Variants in LDHA observed in about 807,000 individuals in gnomAD.
The protein encoded by LDHA is L-lactate dehydrogenase A chain.
In LDHA, 10 loss-of-function variants were observed where a neutral mutation model predicts 36.3. The ratio of observed to expected loss-of-function variants is 0.28; its 90% CI spans 0.17 to 0.47. LDHA has a LOEUF of 0.47. Among genes scored for constraint, LDHA ranks in the 20% least tolerant of loss-of-function variants. The pLI, the probability that LDHA is intolerant of heterozygous loss-of-function variation, is 0.99. For synonymous variants in LDHA, 110 were observed against 136.7 expected (o/e 0.80, Z 1.36); for missense variants, 267 against 405.8 (o/e 0.66, Z 2.94).
chr11:18,400,467 A>G (rs1866446284), intron 3 of LDHA: 1 of 169,510 alleles, frequency 5.9e-6, no homozygotes. Flanking sequence ...ACACACACAC[A>G]CACACACACA....
At chr11:18,400,496 C>G in intron 3 of LDHA, 1 of 366,176 alleles carries the variant, frequency 2.7e-6, no homozygotes, top group Non-Finnish European at 5.3e-6. Context: ...ATTGCCTGTT[C>G]CTGGGCTGAT....
intron 1 of LDHA, 23 bp from the exon 2 acceptor site, chr11:18,396,796 A>C (rs1358213224): frequency 6.3e-7 from 1 of 1,577,366 alleles, no homozygotes; most frequent in Non-Finnish European, 8.6e-7. Flanking sequence ...CTGTAGTGAC[A>C]CTAAATGTTT....
At chr11:18,394,738 C>A (rs1866230715) in intron 1 of LDHA, 102 bp downstream of exon 1, 1 of 444,866 alleles carries the variant, frequency 2.2e-6, no homozygotes, top group African/African-American at 2.0e-5. Flanking sequence ...GATTCCTGCT[C>A]CCGGGAGGTG....
chr11:18,399,437 G>A lies in LDHA; in HGVS notation c.133G>A (p.Ala45Thr). The change falls in exon 3 of 8, where the codon GCA becomes ACA. Residue 45 changes from alanine to threonine, a missense_variant. Ala to Thr is a moderately conservative substitution (Grantham distance 58). Transcript: ENST00000422447. ...AAGATTTGATGTCTTTTAGGACTTG[G>A]CAGATGAACTTGCTCTTGTTGATGT... The part of the protein sequence containing the change: ...CAISILMKDL[A>T]DELALVDVIE... 1 of 1,607,516 alleles carries A rather than the reference G, an allele frequency of 6.2e-7. No individual in the cohort carries two copies. Among genetic ancestry groups the A allele is most frequent in the South Asian group, 1.1e-5 (1 of 90,930 alleles).
Position 18,407,634 on chromosome 11 carries a change from A to G in LDHA, c.*353A>G. On this transcript the variant is annotated 3_prime_UTR_variant, in exon 8 of 8. Transcript: ENST00000422447. ...CCTGGCTCCTTCACTGAACATGCCT[A>G]GTCCAACATTTTTTCCCAGTGAGTC... 1 of 611,326 alleles carries G rather than the reference A, an allele frequency of 1.6e-6. No homozygotes were observed. The highest frequency in any genetic ancestry group is 3.4e-5 in the East Asian group (1 of 29,064). The allele number at this position is 611,326 out of a possible 1,614,324, so 37.9% of individuals were successfully genotyped here. A position where few individuals can be genotyped will look rare whatever the true frequency, so the allele number is the denominator to read the frequency against.
rs1229143919 is a variant in LDHA, at chr11:18,408,135, T to C, written c.*854T>C. On this transcript the variant is annotated 3_prime_UTR_variant, in exon 8 of 8. Transcript: ENST00000422447. ...TTTGCCAACTGAATATAGGCAATGA[T>C]AGTGTGTCACTATAGGGAACACAGA... is the stretch of plus-strand genomic sequence containing the variant. 1 of 454,016 alleles carries C rather than the reference T, an allele frequency of 2.2e-6. No homozygotes were observed. The highest frequency in any genetic ancestry group is 2.0e-5 in the African/African-American group (1 of 50,010). The allele number at this position is 454,016 out of a possible 1,614,324, so 28.1% of individuals were successfully genotyped here.
intron 4 of LDHA, chr11:18,402,409 T>C (rs1866540380): frequency 5.3e-6 from 1 of 188,370 alleles, no homozygotes; most frequent in African/African-American, 2.4e-5. Flanking sequence ...TCCTTCTTCC[T>C]CAGCCTCTTA....
intron 7 of LDHA, 89 bp downstream of exon 7, chr11:18,405,661 C>T: frequency 2.2e-6 from 3 of 1,362,830 alleles, no homozygotes; most frequent in Non-Finnish European, 3.1e-6. Flanking sequence ...TACAAGTCTT[C>T]CATTACTGAC....
chr11:18,404,787 G>A (rs1372131387), intron 6 of LDHA, among the ~76,000 whole-genome samples: 60 of 134,542 alleles, frequency 4.5e-4, no homozygotes, highest in South Asian at 7.4e-4. Flanking sequence ...CAGCCTGGGC[G>A]ACAGAGCGAG....
At chr11:18,405,134 A>AT (rs556356941) in intron 6 of LDHA, among the ~76,000 whole-genome samples, 6 of 151,878 alleles carry the variant, frequency 4.0e-5, no homozygotes, top group South Asian at 4.1e-4. Flanking sequence ...GAATTATCCA[A>AT]TTTTTTTTAC....
intron 2 of LDHA, chr11:18,398,939 C>T (rs1022885040): frequency 5.2e-6 from 1 of 191,326 alleles, no homozygotes; most frequent in African/African-American, 2.4e-5. Context: ...GAACTCCTGA[C>T]CTCAAGTGAT....
At chr11:18,395,903 G>GC (rs1266313245) in intron 1 of LDHA, among the ~76,000 whole-genome samples, 1 of 152,244 alleles carries the variant, frequency 6.6e-6, no homozygotes, top group Non-Finnish European at 1.5e-5. Context: ...CACGGCCGAA[G>GC]CCACACCGTG....
intron 6 of LDHA, among the ~76,000 whole-genome samples, chr11:18,405,116 A>G (rs1391223929): frequency 6.6e-6 from 1 of 152,130 alleles, no homozygotes; most frequent in African/African-American, 2.4e-5. Flanking sequence ...TCAATATTAT[A>G]TTTTTAAGAA....
chr11:18,397,675 G>T (rs1200032643), intron 2 of LDHA, among the ~76,000 whole-genome samples: 2 of 152,062 alleles, frequency 1.3e-5, no homozygotes, highest in Non-Finnish European at 2.9e-5. Flanking sequence ...GCCGGGCGTG[G>T]TGGCATACGC....
At position 18,398,893 on chromosome 11, in the gene LDHA, C is replaced by CCACCACTCCCGGCTGGT. The variant is rs1565035377; in HGVS notation, c.127-538_127-537insCACCACTCCCGGCTGGT. ...CCTCCCAAAGTGCTGGGATTACAAGCGTGAGCCACCGTGCCTGGCCTGGCC... is the reference window on the plus strand; with the variant it reads ...CCTCCCAAAGTGCTGGGATTACAAGCCACCACTCCCGGCTGGTGTGAGCCACCGTGCCTGGCCTGGCC... On this transcript the variant is annotated intron_variant, in intron 2 of 7. Coordinates refer to ENST00000422447, the MANE Select transcript of LDHA (RefSeq NM_005566.4). The CCACCACTCCCGGCTGGT allele has an allele frequency of 1.8e-5, 3 of 166,758 alleles. No individual in the cohort carries two copies. In the East Asian group the frequency reaches 4.8e-4, roughly 27 times the overall value. The allele number at this position is 166,758 out of a possible 1,614,324, so 10.3% of individuals were successfully genotyped here.
chr11:18,399,701 A>G, intron 3 of LDHA, 153 bp downstream of exon 3: 1 of 685,402 alleles, frequency 1.5e-6, no homozygotes, highest in East Asian at 2.8e-5. Context: ...CTTCCACTTC[A>G]TTACCCCCTC....
chr11:18,407,773 A>G lies in LDHA; in HGVS notation c.*492A>G. 2.2e-6 allele frequency: 1 copy of G among 457,942 alleles called. No individual in the cohort carries two copies. Among genetic ancestry groups the G allele is most frequent in the Non-Finnish European group, 4.4e-6 (1 of 229,420 alleles). The allele number at this position is 457,942 out of a possible 1,614,324, so 28.4% of individuals were successfully genotyped here. ...GTACATTACCATATAATGTAAAAAG[A>G]TCTACATACAAACAATGCAACCAAC... On this transcript the variant is annotated 3_prime_UTR_variant, in exon 8 of 8. Transcript: ENST00000422447.
chr11:18,405,408 C>G, intron 6 of LDHA, 41 bp from the exon 7 acceptor site: 1 of 1,608,694 alleles, frequency 6.2e-7, no homozygotes, highest in Admixed American at 1.7e-5. Flanking sequence ...TTTCTCCCAC[C>G]CTGCTTTTTC....
At position 18,407,362 on chromosome 11, in the gene LDHA, C is replaced by T. The variant is rs1199785484; in HGVS notation, c.*81C>T. 2 of 1,609,640 alleles carry T rather than the reference C, an allele frequency of 1.2e-6. No homozygotes were observed. Among genetic ancestry groups the T allele is most frequent in the Non-Finnish European group, 1.7e-6 (2 of 1,178,504 alleles). ...AGGTTGTGCATGTTGTCCTTTTTAT[C>T]TGATCTGTGATTAAAGCAGTAATAT... On this transcript the variant is annotated 3_prime_UTR_variant, in exon 8 of 8. Transcript: ENST00000422447.
Sources: gnomAD v4.1 joint callset for allele counts (sites outside exome capture counted in the v4.1 genomes callset) on GRCh38, gnomAD v4.1.1 for gene constraint, MANE v1.5 for transcripts, NCBI Gene and HGNC (gene_info 2026-07-23, HGNC 2026-07-21) for gene names.